Variants in FBLN1 observed in about 807,000 individuals in gnomAD.
FBLN1 encodes the protein fibulin 1.
A neutral mutation model predicts 89.7 loss-of-function variants in FBLN1; 34 were observed. The observed-to-expected ratio is 0.38, with a 90% CI of 0.29 to 0.50. FBLN1 has a LOEUF of 0.50. Ranked by LOEUF, FBLN1 falls within the 20% of genes least tolerant of loss-of-function variation. FBLN1 has a pLI of 0.92. For synonymous variants in FBLN1, 393 were observed against 391.3 expected (o/e 1.00, Z -0.05); for missense variants, 777 against 988.1 (o/e 0.79, Z 2.86).
chr22:45,592,932 A>G (rs564558624), intron 16 of FBLN1, among the ~76,000 whole-genome samples: 1 of 152,230 alleles, frequency 6.6e-6, no homozygotes, highest in South Asian at 2.1e-4. Context: ...TTGATTCATC[A>G]TCTGGTTTGC....
At position 45,532,999 on chromosome 22, in the gene FBLN1, G is replaced by A. The variant is rs141865190; in HGVS notation, c.545-64G>A. 7.8e-4 allele frequency: 1,151 copies of A among 1,479,784 alleles called. 4 individuals are homozygous for A. The highest frequency in any genetic ancestry group is 5.0e-3 in the Middle Eastern group (26 of 5,188). The allele number at this position is 1,479,784 out of a possible 1,614,324, so 91.7% of individuals were successfully genotyped here. A position where few individuals can be genotyped will look rare whatever the true frequency, so the allele number is the denominator to read the frequency against. On this transcript the variant is annotated intron_variant, in intron 5 of 16. Coordinates refer to ENST00000327858, the MANE Select transcript of FBLN1 (RefSeq NM_006486.3). The surrounding 1 kb of genome is among the most constrained non-coding windows in gnomAD (Gnocchi z 4.2). ...GCGTTTTCTATGACCCAGCCTGAAC[G>A]GAGCTAGAAACCAGGCGGTGCCTGG...
chr22:45,589,445 T>C (rs955565699), intron 16 of FBLN1, among the ~76,000 whole-genome samples: 4 of 152,160 alleles, frequency 2.6e-5, no homozygotes, highest in Admixed American at 6.5e-5. Flanking sequence ...GTTCAGTCCA[T>C]GGCAGCGCAG....
At chr22:45,535,106 G>A (rs374901744) in intron 7 of FBLN1, 94 bp from the exon 8 acceptor site, 173 of 1,397,184 alleles carry the variant, frequency 1.2e-4, no homozygotes, top group African/African-American at 5.1e-4. Context: ...TGAGTAATGC[G>A]CATTAGAAAA....
chr22:45,558,076 C>T (rs953355765), intron 14 of FBLN1: 16 of 716,724 alleles, frequency 2.2e-5, no homozygotes, highest in Admixed American at 4.0e-5. Context: ...GTCAGATGAT[C>T]GTAGGGAACT....
chr22:45,573,892 G>A (rs1244315810), intron 14 of FBLN1, among the ~76,000 whole-genome samples: 3 of 152,018 alleles, frequency 2.0e-5, no homozygotes, highest in Non-Finnish European at 4.4e-5. Context: ...GTGTAATTTT[G>A]TATCCGTGTT....
At chr22:45,534,807 AT>A (rs1477166761) in intron 7 of FBLN1, among the ~76,000 whole-genome samples, 1 of 152,222 alleles carries the variant, frequency 6.6e-6, no homozygotes, top group African/African-American at 2.4e-5. Context: ...TAATATCTGG[AT>A]TATTGTGAAG....
chr22:45,520,627 C>A (rs937140249), intron 2 of FBLN1, among the ~76,000 whole-genome samples: 1 of 152,166 alleles, frequency 6.6e-6, no homozygotes, highest in African/African-American at 2.4e-5. Flanking sequence ...GGAGCCACTA[C>A]TATTAATACT....
chr22:45,518,855 G>T, intron 2 of FBLN1, 68 bp downstream of exon 2: 6 of 1,356,244 alleles, frequency 4.4e-6, no homozygotes, highest in Non-Finnish European at 1.0e-6. Flanking sequence ...GGGAGGAAGG[G>T]ACAGTGTGTG....
rs546324614 is a variant in FBLN1 at position 45,531,013 on chromosome 22, C to T, written c.485-252C>T. ...TCCTGACCTCAGGTGATCCGCCTGC[C>T]TCGGCCTCCCAAAGTGCTGGGATTA... On this transcript the variant is annotated intron_variant, in intron 4 of 16. Transcript: ENST00000327858. This position sits in a 1 kb window ranked among gnomAD's most constrained non-coding sequence, Gnocchi z 4.9. Among the ~76,000 whole-genome samples, 1 of 152,258 alleles carries T rather than the reference C, an allele frequency of 6.6e-6. No homozygotes were observed. Among genetic ancestry groups the T allele is most frequent in the South Asian group, 2.1e-4 (1 of 4,818 alleles).
At chr22:45,510,537 C>T (rs2088085488) in intron 1 of FBLN1, among the ~76,000 whole-genome samples, 1 of 152,116 alleles carries the variant, frequency 6.6e-6, no homozygotes, top group African/African-American at 2.4e-5. Context: ...TCTGCTTGCT[C>T]AGCAACCTGG....
rs890359227 is a variant in FBLN1 at position 45,561,454 on chromosome 22, A to G, written c.1697+10839A>G. 5.9e-5 allele frequency among the ~76,000 whole-genome samples: 9 copies of G among 152,214 alleles called. No individual in the cohort carries two copies. Among genetic ancestry groups the G allele is most frequent in the African/African-American group, 1.9e-4 (8 of 41,452 alleles). The stretch of plus-strand genomic sequence containing the variant: ...CAAAGATATTATGTATAGAGTCACT[A>G]AACTTGCCTCATGAGCGATGAATCA... On this transcript the variant is annotated intron_variant, in intron 14 of 16. Coordinates refer to ENST00000327858, the MANE Select transcript of FBLN1 (RefSeq NM_006486.3). The surrounding 1 kb of genome is among the most constrained non-coding windows in gnomAD (Gnocchi z 4.7).
chr22:45,595,192 C>T (rs2089173962), intron 16 of FBLN1, among the ~76,000 whole-genome samples: 1 of 151,996 alleles, frequency 6.6e-6, no homozygotes, highest in Non-Finnish European at 1.5e-5. Context: ...GGTCCGCTGA[C>T]AGGGCATGGC....
rs561205315 is a variant in FBLN1, at chr22:45,537,356, C to T, written c.922+2019C>T. On this transcript the variant is annotated intron_variant, in intron 8 of 16. Transcript: ENST00000327858. The surrounding 1 kb of genome is among the most constrained non-coding windows in gnomAD (Gnocchi z 5.7). ...GGATGTGGCCGGGCACAGTGACTCA[C>T]GCCTGTAATTCTGGTACTTTGGGAG... Among the ~76,000 whole-genome samples the T allele has an allele frequency of 3.3e-5, 5 of 152,260 alleles. No homozygotes were observed. Among genetic ancestry groups the T allele is most frequent in the East Asian group, 1.9e-4 (1 of 5,190 alleles).
rs67134880 is a variant in FBLN1 at position 45,588,663 on chromosome 22, TC to T, written c.1972+11558del. Among the ~76,000 whole-genome samples the T allele has an allele frequency of 0.36, 55,286 of 151,864 alleles. 11,844 individuals are homozygous for T. The highest frequency in any genetic ancestry group is 0.52 in the Admixed American group (7,972 of 15,248). ...GAACAGCCTCTTAGTCTCCAGAGCC[TC>T]CCGCAGGAATGATTTGTGACCCTCT... On this transcript the variant is annotated intron_variant, in intron 16 of 16. Coordinates refer to ENST00000327858, the MANE Select transcript of FBLN1 (RefSeq NM_006486.3). The surrounding 1 kb of genome is among the most constrained non-coding windows in gnomAD (Gnocchi z 5.1).
chr22:45,560,237 T>C (rs1343842391), intron 14 of FBLN1, among the ~76,000 whole-genome samples: 4 of 152,226 alleles, frequency 2.6e-5, no homozygotes, highest in African/African-American at 4.8e-5. Flanking sequence ...ATTATTTCCA[T>C]TGTATTTAAA....
chr22:45,563,226 T>C lies in FBLN1; in HGVS notation c.1698-11285T>C. ...TCTCGCCACGGCACCGTCAGCTCCT[T>C]TGTGGCCAAGCTTTTCATCTTTGTG... On this transcript the variant is annotated intron_variant, in intron 14 of 16. Transcript: ENST00000327858. This position sits in a 1 kb window ranked among gnomAD's most constrained non-coding sequence, Gnocchi z 5.7. 6.2e-7 allele frequency: 1 copy of C among 1,613,772 alleles called. No homozygotes were observed. Among genetic ancestry groups the C allele is most frequent in the Non-Finnish European group, 8.5e-7 (1 of 1,180,030 alleles).
Position 45,542,200 on chromosome 22 carries a change from A to T in FBLN1, c.1112A>T (p.His371Leu). ...APPAEPCGKG[H>L]RCVNSPGSFR... ...CCTGCTGAGCCCTGTGGGAAGGGAC[A>T]TCGCTGCGTGAACTCTCCCGGCAGT... Residue 371 changes from histidine to leucine, a missense_variant, in exon 10 of 17, where the codon CAT (histidine) becomes CTT (leucine). Physicochemically the swap from His to Leu is moderately conservative, Grantham distance 99. Coordinates refer to ENST00000327858, the MANE Select transcript of FBLN1 (RefSeq NM_006486.3). 1 of 1,614,192 alleles carries T rather than the reference A, an allele frequency of 6.2e-7. No homozygotes were observed. The highest frequency in any genetic ancestry group is 1.7e-5 in the Admixed American group (1 of 60,028).
chr22:45,588,933 C>T lies in FBLN1; in HGVS notation c.1973-11374C>T, dbSNP rs2089111499. 6.6e-6 allele frequency among the ~76,000 whole-genome samples: 1 copy of T among 151,756 alleles called. No homozygotes were observed. The highest frequency in any genetic ancestry group is 2.4e-5 in the African/African-American group (1 of 41,328). ...TACCTGGCCAGCACCGGGAGGATGTCAGGTGCTTCCAGGCGGACTCTGCTA... is the reference window on the plus strand; with the variant it reads ...TACCTGGCCAGCACCGGGAGGATGTTAGGTGCTTCCAGGCGGACTCTGCTA... On this transcript the variant is annotated intron_variant, in intron 16 of 16. Transcript: ENST00000327858. The surrounding 1 kb of genome is among the most constrained non-coding windows in gnomAD (Gnocchi z 5.1).
chr22:45,598,516 G>A (rs1009202043), intron 16 of FBLN1, among the ~76,000 whole-genome samples: 1 of 152,210 alleles, frequency 6.6e-6, no homozygotes, highest in Non-Finnish European at 1.5e-5. Flanking sequence ...TGTAGCCTTG[G>A]CTTGTGCAGC....
Sources: gnomAD v4.1 joint callset for allele counts (sites outside exome capture counted in the v4.1 genomes callset) on GRCh38, gnomAD v4.1.1 for gene constraint, Gnocchi (gnomAD v3.1) non-coding constraint, MANE v1.5 for transcripts, NCBI Gene and HGNC (gene_info 2026-07-23, HGNC 2026-07-21) for gene names.